Variants in CDH13 observed in about 807,000 individuals in gnomAD.
CDH13 encodes cadherin-13.
Under a neutral mutation model 63.8 loss-of-function variants are expected in CDH13, and 24 were observed. The ratio of observed to expected loss-of-function variants is 0.38; its 90% CI spans 0.27 to 0.53. The LOEUF is 0.53. Ranked by LOEUF, CDH13 falls within the 20% of genes least tolerant of loss-of-function variation. The probability of loss-of-function intolerance (pLI) is 0.85; values close to 1 mark genes in which losing one functional copy is unlikely to be tolerated. For missense variants in CDH13, 1,049 were observed against 903.1 expected, an observed-to-expected ratio of 1.16 and a Z score of -2.07; for synonymous variants, 503 against 355.3, an observed-to-expected ratio of 1.42 and a Z score of -4.67.
At chr16:83,661,530 C>T (rs1913444922) in intron 8 of CDH13, among the ~76,000 whole-genome samples, 1 of 152,028 alleles carries the variant, frequency 6.6e-6, no homozygotes, top group Non-Finnish European at 1.5e-5. Flanking sequence ...GTTTAAGAAC[C>T]ACCGTTCCAC....
chr16:82,950,849 A>G (rs1487574538), intron 2 of CDH13, among the ~76,000 whole-genome samples: 2 of 149,348 alleles, frequency 1.3e-5, no homozygotes, highest in Non-Finnish European at 3.0e-5. Context: ...GAGGACAGTG[A>G]AACCCACAGC....
intron 7 of CDH13, among the ~76,000 whole-genome samples, chr16:83,568,165 A>C (rs1904303495): frequency 6.6e-6 from 1 of 152,030 alleles, no homozygotes; most frequent in African/African-American, 2.4e-5. Flanking sequence ...TGGTGGAACG[A>C]AATGACACTC....
chr16:82,838,169 A>G lies in CDH13; in HGVS notation c.46-20193A>G, dbSNP rs185757964. On this transcript the variant is annotated intron_variant, in intron 1 of 13. Transcript: ENST00000567109. Reference sequence around the variant, plus strand: ...CCATGACCAAGTCCTCACCCTTTTCATTGCAGATGCTTGCGTGTTCCCATC... The same window carrying G: ...CCATGACCAAGTCCTCACCCTTTTCGTTGCAGATGCTTGCGTGTTCCCATC... Among the ~76,000 whole-genome samples the G allele has an allele frequency of 2.6e-5, 4 of 152,272 alleles. No individual in the cohort carries two copies. The East Asian group carries it at 7.7e-4, about 29-fold the overall frequency.
At chr16:83,678,532 C>T (rs1053781360) in intron 10 of CDH13, 71 bp downstream of exon 10, 14 of 1,577,338 alleles carry the variant, frequency 8.9e-6, no homozygotes, top group Non-Finnish European at 1.1e-5. Flanking sequence ...GTCGCAGAAG[C>T]TGGTTGTCAG....
At chr16:82,886,658 C>T (rs1171419219) in intron 2 of CDH13, among the ~76,000 whole-genome samples, 1 of 151,290 alleles carries the variant, frequency 6.6e-6, no homozygotes, top group African/African-American at 2.4e-5. Flanking sequence ...TACTCTTTTC[C>T]AATTTATGAA....
chr16:83,637,144 A>G (rs1911335473), intron 8 of CDH13, among the ~76,000 whole-genome samples: 1 of 152,200 alleles, frequency 6.6e-6, no homozygotes, highest in South Asian at 2.1e-4. Flanking sequence ...TGAACTCAAC[A>G]GCTTTTTATC....
At chr16:83,503,465 G>C (rs1039966792) in intron 7 of CDH13, among the ~76,000 whole-genome samples, 1 of 152,134 alleles carries the variant, frequency 6.6e-6, no homozygotes, top group African/African-American at 2.4e-5. Context: ...TGAGAAGGAG[G>C]CCGGAAGGGG....
At chr16:83,440,111 A>G (rs1194733973) in intron 6 of CDH13, among the ~76,000 whole-genome samples, 1 of 152,196 alleles carries the variant, frequency 6.6e-6, no homozygotes, top group Non-Finnish European at 1.5e-5. Flanking sequence ...TGGTCCCAGT[A>G]AGGATGGAGA....
chr16:83,094,477 C>G (rs1022465415), intron 3 of CDH13, among the ~76,000 whole-genome samples: 2 of 152,170 alleles, frequency 1.3e-5, no homozygotes, highest in African/African-American at 4.8e-5. Flanking sequence ...TCTGTGTTGT[C>G]CTTACTCAGG....
rs67135267 is a variant in CDH13 at position 83,134,544 on chromosome 16, GGAGAGAGAGAGA to G, written c.483+9081_483+9092del. 7.1e-3 allele frequency among the ~76,000 whole-genome samples: 598 copies of G among 84,354 alleles called. 11 individuals carry two copies. Among genetic ancestry groups the G allele is most frequent in the Non-Finnish European group, 8.3e-3 (370 of 44,554 alleles). The allele number at this position is 84,354 out of a possible 152,430, so 55.3% of individuals were successfully genotyped here. A position where few individuals can be genotyped will look rare whatever the true frequency, so the allele number is the denominator to read the frequency against. On this transcript the variant is annotated intron_variant, in intron 4 of 13. Coordinates refer to ENST00000567109, the MANE Select transcript of CDH13 (RefSeq NM_001257.5). ...GATTTTATGTGGGGATGGGGTGGGG[GGAGAGAGAGAGA>G]GAGAGAGAGAGAGAGAGAGAGAGAG...
At chr16:83,492,236 C>T (rs1277089011) in intron 7 of CDH13, among the ~76,000 whole-genome samples, 3 of 152,138 alleles carry the variant, frequency 2.0e-5, no homozygotes, top group Non-Finnish European at 4.4e-5. Context: ...CCTCCAGTGC[C>T]TTCAATGAAA....
At chr16:83,366,464 C>T (rs768036250) in intron 6 of CDH13, among the ~76,000 whole-genome samples, 10 of 152,150 alleles carry the variant, frequency 6.6e-5, no homozygotes, top group Admixed American at 5.9e-4. Context: ...GAAGTCACAT[C>T]GCTGCTTGCC....
intron 5 of CDH13, among the ~76,000 whole-genome samples, chr16:83,335,625 G>A (rs776281906): frequency 5.3e-5 from 8 of 152,242 alleles, no homozygotes; most frequent in Non-Finnish European, 1.0e-4. Flanking sequence ...GCAAGCAGAC[G>A]GCCCAGCGCC....
At chr16:82,684,149 A>G (rs1339097086) in intron 1 of CDH13, among the ~76,000 whole-genome samples, 3 of 152,240 alleles carry the variant, frequency 2.0e-5, no homozygotes, top group Non-Finnish European at 2.9e-5. Flanking sequence ...AAATGGTCCA[A>G]TGATGGGGAA....
chr16:83,507,374 A>T (rs1207939187), intron 7 of CDH13, among the ~76,000 whole-genome samples: 2 of 152,362 alleles, frequency 1.3e-5, no homozygotes. Flanking sequence ...TGTGTGTTAG[A>T]ACCTGGGGAA....
At chr16:82,769,473 A>G (rs2035179675) in intron 1 of CDH13, among the ~76,000 whole-genome samples, 1 of 152,334 alleles carries the variant, frequency 6.6e-6, no homozygotes, top group African/African-American at 2.4e-5. Context: ...AAGAAGAAAT[A>G]AAGGCTGATA....
chr16:82,737,485 G>C (rs970539257), intron 1 of CDH13, among the ~76,000 whole-genome samples: 1 of 151,636 alleles, frequency 6.6e-6, no homozygotes, highest in Non-Finnish European at 1.5e-5. Flanking sequence ...CCTTAGTGTG[G>C]AAGAGAGGGG....
chr16:82,773,092 C>T (rs1168498162), intron 1 of CDH13, among the ~76,000 whole-genome samples: 1 of 152,202 alleles, frequency 6.6e-6, no homozygotes, highest in Admixed American at 6.5e-5. Context: ...GGATACACTC[C>T]TTTCATCTCT....
chr16:83,136,486 CAAA>C (rs542700844), intron 4 of CDH13, among the ~76,000 whole-genome samples: 11 of 61,534 alleles, frequency 1.8e-4, no homozygotes, highest in Admixed American at 5.1e-4. Flanking sequence ...ACTCTGTCTC[CAAA>C]AAAAAAAAAA....
Sources: gnomAD v4.1 joint callset for allele counts (sites outside exome capture counted in the v4.1 genomes callset) on GRCh38, gnomAD v4.1.1 for gene constraint, MANE v1.5 for transcripts, NCBI Gene and HGNC (gene_info 2026-07-23, HGNC 2026-07-21) for gene names.